The following CHRNB3 variants were observed in gnomAD, a reference collection of about 807,000 sequenced individuals.
CHRNB3 encodes the protein neuronal acetylcholine receptor subunit beta-3.
In CHRNB3, 37 loss-of-function variants were observed where a neutral mutation model predicts 40.6. The observed-to-expected ratio is 0.91, with a 90% CI of 0.70 to 1.20. The LOEUF (loss-of-function observed/expected upper bound fraction) is 1.20. Ranked by LOEUF, CHRNB3 falls within the 50% of genes most tolerant of loss-of-function variation. The pLI is 0.00. For synonymous variants in CHRNB3, 207 were observed against 207.1 expected, an observed-to-expected ratio of 1.00 and a Z score of 0.00; for missense variants, 505 against 551.2, an observed-to-expected ratio of 0.92 and a Z score of 0.84.
At chr8:42,734,164 G>A (rs1816477153) in intron 5 of CHRNB3, among the ~76,000 whole-genome samples, 1 of 143,648 alleles carries the variant, frequency 7.0e-6, no homozygotes, top group Non-Finnish European at 1.5e-5. Flanking sequence ...GCTGAGGCAG[G>A]AGAATCACTT....
Position 42,713,331 on chromosome 8 carries a change from G to C in CHRNB3, c.249+2897G>C, listed in dbSNP as rs565235814. 1.8e-3 allele frequency among the ~76,000 whole-genome samples: 277 copies of C among 152,158 alleles called. 1 individual carries two copies. The highest frequency in any genetic ancestry group is 6.4e-3 in the African/African-American group (264 of 41,492). ...GGGCCTCAGCTACAGCTTTGGAAAG[G>C]ACTTCCCACAAAGTGTGCCACCAGA... is the stretch of plus-strand genomic sequence containing the variant. On this transcript the variant is annotated intron_variant, in intron 3 of 5. Transcript: ENST00000289957.
chr8:42,710,345 T>G, intron 2 of CHRNB3, 45 bp from the exon 3 acceptor site: 5 of 1,419,002 alleles, frequency 3.5e-6, no homozygotes, highest in Non-Finnish European at 3.9e-6. Flanking sequence ...TCACAACTTA[T>G]TTTCACTTCA....
At chr8:42,712,236 G>A (rs914977152) in intron 3 of CHRNB3, among the ~76,000 whole-genome samples, 7 of 152,138 alleles carry the variant, frequency 4.6e-5, no homozygotes, top group Non-Finnish European at 1.0e-4. Flanking sequence ...CAGGTGATCT[G>A]CTCACCTCGG....
At chr8:42,706,812 G>A (rs1815930087) in intron 1 of CHRNB3, among the ~76,000 whole-genome samples, 1 of 152,072 alleles carries the variant, frequency 6.6e-6, no homozygotes, top group African/African-American at 2.4e-5. Flanking sequence ...CTAGGCTGGA[G>A]TGCAGTGGTG....
chr8:42,708,474 T>C (rs111516630), intron 1 of CHRNB3, among the ~76,000 whole-genome samples: 17 of 148,932 alleles, frequency 1.1e-4, no homozygotes, highest in Admixed American at 3.3e-4. Flanking sequence ...TCAAAAAAAA[T>C]ACACACACAC....
At chr8:42,730,734 G>A (rs745482816) in intron 4 of CHRNB3, 31 bp downstream of exon 4, 2 of 1,423,840 alleles carry the variant, frequency 1.4e-6, no homozygotes, top group South Asian at 1.2e-5. Context: ...TACTTATGGG[G>A]AAAAAAATAA....
At chr8:42,709,883 C>T (rs1221215851) in intron 2 of CHRNB3, among the ~76,000 whole-genome samples, 2 of 152,124 alleles carry the variant, frequency 1.3e-5, no homozygotes, top group African/African-American at 2.4e-5. Flanking sequence ...CCACCCGCCT[C>T]GGCCTCCCAA....
chr8:42,703,440 T>TAAAA lies in CHRNB3; in HGVS notation c.53-5277_53-5276insAAAA, dbSNP rs1554589400. 1.0e-3 allele frequency among the ~76,000 whole-genome samples: 84 copies of TAAAA among 80,714 alleles called. 12 individuals are homozygous for TAAAA. The highest frequency in any genetic ancestry group is 2.2e-3 in the South Asian group (4 of 1,804). The allele number at this position is 80,714 out of a possible 152,430, so 53.0% of individuals were successfully genotyped here. A position where few individuals can be genotyped will look rare whatever the true frequency, so the allele number is the denominator to read the frequency against. On this transcript the variant is annotated intron_variant, in intron 1 of 5. Transcript: ENST00000289957. ...CTTCGTCTAAAAAAAAAAAAAATATTTATATATATATATATATATATGTAT... is the reference window on the plus strand; with the variant it reads ...CTTCGTCTAAAAAAAAAAAAAATATTAAAATATATATATATATATATATATGTAT...
chr8:42,697,683 GA>G, intron 1 of CHRNB3, 85 bp downstream of exon 1: 1 of 999,492 alleles, frequency 1.0e-6, no homozygotes, highest in East Asian at 2.4e-5. Context: ...GATAATGTTA[GA>G]ATTACAATAT....
chr8:42,720,218 A>C (rs75472179), intron 3 of CHRNB3, among the ~76,000 whole-genome samples: 8,376 of 133,688 alleles, frequency 0.063, 300 homozygotes, highest in Middle Eastern at 0.16. Context: ...CAGGTTCAAG[A>C]GATTCTCCTG....
intron 3 of CHRNB3, among the ~76,000 whole-genome samples, chr8:42,729,541 T>C (rs1447773518): frequency 2.0e-5 from 3 of 152,130 alleles, no homozygotes; most frequent in Non-Finnish European, 4.4e-5. Context: ...AGATAGACAA[T>C]GTTTCCTCTG....
chr8:42,700,163 A>G (rs559337155), intron 1 of CHRNB3, among the ~76,000 whole-genome samples: 14 of 151,876 alleles, frequency 9.2e-5, no homozygotes, highest in African/African-American at 2.2e-4. Context: ...ACAGGTGCCC[A>G]CCACCACGCC....
intron 5 of CHRNB3, among the ~76,000 whole-genome samples, chr8:42,734,239 G>A (rs368672020): frequency 4.7e-5 from 5 of 106,202 alleles, no homozygotes; most frequent in African/African-American, 1.6e-4. Context: ...CCAGCCTGGC[G>A]ACAGAGCGAG....
At chr8:42,713,078 TC>T (rs922367756) in intron 3 of CHRNB3, among the ~76,000 whole-genome samples, 3 of 151,914 alleles carry the variant, frequency 2.0e-5, no homozygotes, top group Admixed American at 6.6e-5. Context: ...GCCAGGCTGG[TC>T]TCGAACTCCT....
intron 3 of CHRNB3, among the ~76,000 whole-genome samples, chr8:42,722,541 T>C (rs748364817): frequency 1.3e-5 from 2 of 152,052 alleles, no homozygotes; most frequent in East Asian, 1.9e-4. Context: ...TTTTGTATAA[T>C]TCCCCCGACT....
In CHRNB3 at chr8:42,729,261, T is replaced by A. The variant is rs369748049; in HGVS notation, c.250-1333T>A. On this transcript the variant is annotated intron_variant, in intron 3 of 5. Coordinates refer to ENST00000289957, the MANE Select transcript of CHRNB3 (RefSeq NM_000749.5). Reference sequence around the variant, plus strand: ...TCTCCACTAAAAAATACAAAAAAAATTAGCCGGGCGTGGTGGCGGGAACCT... The same window carrying A: ...TCTCCACTAAAAAATACAAAAAAAAATAGCCGGGCGTGGTGGCGGGAACCT... Among the ~76,000 whole-genome samples, 56 of 151,748 alleles carry A rather than the reference T, an allele frequency of 3.7e-4. No individual in the cohort carries two copies. The East Asian group carries it at 9.9e-3, about 27-fold the overall frequency.
chr8:42,716,728 C>T (rs62516757), intron 3 of CHRNB3, among the ~76,000 whole-genome samples: 8,698 of 152,052 alleles, frequency 0.057, 328 homozygotes, highest in Middle Eastern at 0.11. Flanking sequence ...GGAAAGCCGC[C>T]TCTGCCCGAC....
rs760632906 is a variant in CHRNB3 at position 42,731,869 on chromosome 8, G to T, written c.562G>T (p.Glu188Ter). Residue 188 changes from glutamate to a stop codon, truncating the protein, a stop_gained, in exon 5 of 6, where the codon GAA (glutamate) becomes TAA (stop). Transcript: ENST00000289957. LOFTEE classifies it high-confidence loss of function. Reference sequence around the variant, plus strand: ...CATGGTTGACCTCATTTTGATCAATGAAAATGTCGACAGAAAAGACTTCTT... The same window carrying T: ...CATGGTTGACCTCATTTTGATCAATTAAAATGTCGACAGAAAAGACTTCTT... ...GTMVDLILIN[E>*]NVDRKDFFDN... 1 of 1,614,116 alleles carries T rather than the reference G, an allele frequency of 6.2e-7. No individual in the cohort carries two copies. The highest frequency in any genetic ancestry group is 1.1e-5 in the South Asian group (1 of 91,074).
At chr8:42,718,969 T>C (rs2128907009) in intron 3 of CHRNB3, among the ~76,000 whole-genome samples, 1 of 152,308 alleles carries the variant, frequency 6.6e-6, no homozygotes, top group African/African-American at 2.4e-5. Context: ...TGACATATCC[T>C]GTGCGATCCT....
Sources: gnomAD v4.1 joint callset for allele counts (sites outside exome capture counted in the v4.1 genomes callset) on GRCh38, gnomAD v4.1.1 for gene constraint, MANE v1.5 for transcripts, NCBI Gene and HGNC (gene_info 2026-07-23, HGNC 2026-07-21) for gene names.